The following TLE4 variants were observed in gnomAD, a reference collection of about 807,000 sequenced individuals.
TLE4 encodes the protein transducin-like enhancer protein 4.
TLE4 carries 8 observed loss-of-function variants against 92.8 expected under a neutral mutation model. The ratio of observed to expected loss-of-function variants is 0.09; its 90% CI spans 0.05 to 0.16. The LOEUF (loss-of-function observed/expected upper bound fraction) is 0.16. Ranked by LOEUF, TLE4 falls within the 10% of genes least tolerant of loss-of-function variation. The pLI is 1.00. For synonymous variants in TLE4, 371 were observed against 374.1 expected (o/e 0.99, Z 0.10); for missense variants, 675 against 997.6 (o/e 0.68, Z 4.36).
At chr9:79,656,703 G>A (rs1228622854) in intron 8 of TLE4, among the ~76,000 whole-genome samples, 3 of 152,164 alleles carry the variant, frequency 2.0e-5, no homozygotes, top group Non-Finnish European at 4.4e-5. Context: ...ATACAAGGTT[G>A]TAGATGGGTT....
chr9:79,708,885 G>A, intron 13 of TLE4, 99 bp downstream of exon 13: 1 of 1,394,054 alleles, frequency 7.2e-7, no homozygotes, highest in Non-Finnish European at 9.6e-7. Flanking sequence ...AGCCTGGAGT[G>A]CAGTGGCATG....
chr9:79,666,228 T>G (rs1488379862), intron 8 of TLE4, among the ~76,000 whole-genome samples: 6 of 118,634 alleles, frequency 5.1e-5, no homozygotes, highest in Non-Finnish European at 9.3e-5. Flanking sequence ...TTTTTTTTTT[T>G]TTTTTTTTTT....
intron 8 of TLE4, among the ~76,000 whole-genome samples, chr9:79,667,509 C>CAT (rs533254871): frequency 2.6e-5 from 4 of 152,244 alleles, no homozygotes; most frequent in African/African-American, 9.6e-5. Flanking sequence ...TACATATACA[C>CAT]ATATATATAT....
At chr9:79,590,564 A>G (rs770117366) in intron 4 of TLE4, among the ~76,000 whole-genome samples, 1 of 152,156 alleles carries the variant, frequency 6.6e-6, no homozygotes, top group Non-Finnish European at 1.5e-5. Flanking sequence ...AAGGCTCCAT[A>G]TGGCTAGCCT....
chr9:79,611,098 G>C lies in TLE4; in HGVS notation c.253-1558G>C, dbSNP rs557048428. Among the ~76,000 whole-genome samples the C allele has an allele frequency of 7.2e-5, 11 of 152,096 alleles. No individual in the cohort carries two copies. The South Asian group carries it at 2.3e-3, about 32-fold the overall frequency. On this transcript the variant is annotated intron_variant, in intron 4 of 19. Transcript: ENST00000376552. ...ATGCATTTGAGATGCTGTACTTTCA[G>C]CCTGGTGAATGCTACTCTATTTTTA...
At chr9:79,647,010 C>T (rs1587771451) in intron 6 of TLE4, among the ~76,000 whole-genome samples, 1 of 152,074 alleles carries the variant, frequency 6.6e-6, no homozygotes, top group East Asian at 1.9e-4. Flanking sequence ...TTCATAAAAT[C>T]TTTGAAAGGA....
At chr9:79,649,851 C>G (rs758709687) in intron 6 of TLE4, 1 of 1,365,452 alleles carries the variant, frequency 7.3e-7, no homozygotes, top group African/African-American at 1.5e-5. Flanking sequence ...ACACCTGGAT[C>G]ATTAAAGGTA....
At chr9:79,620,503 C>G (rs980667458) in intron 5 of TLE4, among the ~76,000 whole-genome samples, 5 of 152,142 alleles carry the variant, frequency 3.3e-5, no homozygotes, top group African/African-American at 4.8e-5. Flanking sequence ...GTAATGTGCT[C>G]CTAAGAGCTT....
chr9:79,672,892 A>T (rs1175672465), intron 8 of TLE4, among the ~76,000 whole-genome samples: 3 of 152,180 alleles, frequency 2.0e-5, no homozygotes, highest in Non-Finnish European at 2.9e-5. Flanking sequence ...TTCTACAGCG[A>T]CAATTAGAGT....
At chr9:79,679,740 A>G (rs1336251443) in intron 8 of TLE4, among the ~76,000 whole-genome samples, 2 of 152,096 alleles carry the variant, frequency 1.3e-5, no homozygotes, top group African/African-American at 4.8e-5. Flanking sequence ...TAGGGTTTTT[A>G]TGGTTTTAGG....
At chr9:79,668,457 TC>T (rs2061750297) in intron 8 of TLE4, among the ~76,000 whole-genome samples, 1 of 152,146 alleles carries the variant, frequency 6.6e-6, no homozygotes, top group Admixed American at 6.6e-5. Context: ...AGTTTACCCT[TC>T]CGATACCAAA....
At chr9:79,669,513 A>G (rs1355561146) in intron 8 of TLE4, among the ~76,000 whole-genome samples, 1 of 152,070 alleles carries the variant, frequency 6.6e-6, no homozygotes, top group African/African-American at 2.4e-5. Context: ...AAATTAAGCT[A>G]TGTCTTTTTT....
chr9:79,664,777 CTG>C (rs2061119803), intron 8 of TLE4, among the ~76,000 whole-genome samples: 1 of 152,148 alleles, frequency 6.6e-6, no homozygotes, highest in Non-Finnish European at 1.5e-5. Context: ...ACTGTACAGA[CTG>C]TGTTCAGTTC....
intron 8 of TLE4, among the ~76,000 whole-genome samples, chr9:79,667,205 G>A (rs923837807): frequency 1.3e-5 from 2 of 152,150 alleles, no homozygotes; most frequent in Non-Finnish European, 2.9e-5. Context: ...TTAGGGCAGG[G>A]AATTTCAGGG....
At chr9:79,628,329 A>G (rs996375099) in intron 6 of TLE4, among the ~76,000 whole-genome samples, 1 of 151,418 alleles carries the variant, frequency 6.6e-6, no homozygotes, top group Non-Finnish European at 1.5e-5. Context: ...TTTTTCTGTC[A>G]GTGTATCAAA....
chr9:79,710,421 G>A (rs995958742), intron 14 of TLE4, among the ~76,000 whole-genome samples: 2 of 152,050 alleles, frequency 1.3e-5, no homozygotes, highest in African/African-American at 4.8e-5. Context: ...AGCCTCCCCC[G>A]CAGATCCTCC....
chr9:79,706,287 G>C (rs887959618), intron 10 of TLE4, among the ~76,000 whole-genome samples: 1 of 152,020 alleles, frequency 6.6e-6, no homozygotes, highest in African/African-American at 2.4e-5. Flanking sequence ...TAGGATTACA[G>C]GTGTGAGCCA....
At chr9:79,573,244 CG>C in intron 1 of TLE4, 1 of 1,011,046 alleles carries the variant, frequency 9.9e-7, no homozygotes. Flanking sequence ...CCTCGCGCCG[CG>C]GGCCGCCGGG....
chr9:79,585,330 C>T (rs1221466913), intron 4 of TLE4, among the ~76,000 whole-genome samples: 2 of 152,084 alleles, frequency 1.3e-5, no homozygotes, highest in Non-Finnish European at 2.9e-5. Context: ...ATCAGCTAGC[C>T]GGTAAAATAG....
Sources: allele counts gnomAD v4.1 joint callset (sites outside exome capture counted in the v4.1 genomes callset), GRCh38; gene constraint gnomAD v4.1.1; transcripts MANE v1.5; gene names NCBI Gene and HGNC (gene_info 2026-07-23, HGNC 2026-07-21).